The following AATK variants were observed in gnomAD, a reference collection of about 807,000 sequenced individuals.
AATK encodes the protein lemur tail kinase 1.
AATK carries 91 observed loss-of-function variants against 114.3 expected under a neutral mutation model. The ratio of observed to expected loss-of-function variants is 0.80; its 90% CI spans 0.67 to 0.95. The LOEUF is 0.95. Among genes scored for constraint, AATK ranks in the 40% least tolerant of loss-of-function variants. AATK has a pLI of 0.00. For synonymous variants in AATK, 1,075 were observed against 916.5 expected (o/e 1.17, Z -3.12); for missense variants, 2,176 against 1,965.2 (o/e 1.11, Z -2.03).
intron 1 of AATK, among the ~76,000 whole-genome samples, chr17:81,140,903 G>A (rs1401376691): frequency 1.7e-5 from 2 of 116,308 alleles, no homozygotes; most frequent in African/African-American, 3.4e-5. Context: ...GCTGTGAGCC[G>A]TGGGGCCGTG....
chr17:81,154,319 CTTTTTTTTT>C (rs202002919), intron 1 of AATK, among the ~76,000 whole-genome samples: 4 of 113,806 alleles, frequency 3.5e-5, no homozygotes, highest in Non-Finnish European at 6.9e-5. Flanking sequence ...TTTTTTCTTT[CTTTTTTTTT>C]TTTTTTTTTT....
chr17:81,131,849 T>C, intron 2 of AATK: 2 of 1,303,116 alleles, frequency 1.5e-6, no homozygotes, highest in Non-Finnish European at 2.0e-6. Flanking sequence ...GGAGCATTCC[T>C]GGATGTCTGG....
intron 7 of AATK, chr17:81,125,255 T>C (rs768133357): frequency 1.4e-6 from 1 of 734,492 alleles, no homozygotes; most frequent in South Asian, 1.5e-5. Flanking sequence ...ACTGTGTGCG[T>C]GGGCCTCAAA....
rs140176504 is a variant in AATK, at chr17:81,128,226, T to C, written c.414+244A>G. ...TTAGGCCAAGGTCAGGGGAAGGCCA[T>C]GAGCAAGAGGCTGCTCCTCTCCCTC... On this transcript the variant is annotated intron_variant, in intron 4 of 13. Coordinates refer to ENST00000326724, the MANE Select transcript of AATK (RefSeq NM_001080395.3). Among the ~76,000 whole-genome samples, 758 of 152,224 alleles carry C rather than the reference T, an allele frequency of 5.0e-3. 8 individuals carry two copies. Among genetic ancestry groups the C allele is most frequent in the South Asian group, 0.013 (62 of 4,828 alleles).
At chr17:81,123,445 C>T in intron 9 of AATK, 102 bp from the exon 10 acceptor site, 2 of 1,117,720 alleles carry the variant, frequency 1.8e-6, no homozygotes, top group Non-Finnish European at 1.1e-6. Flanking sequence ...CGCCATCACG[C>T]CAGTGCCTCA....
chr17:81,120,892 C>A lies in AATK; in HGVS notation c.3044G>T (p.Cys1015Phe). 3 of 1,589,098 alleles carry A rather than the reference C, an allele frequency of 1.9e-6. No individual in the cohort carries two copies. Among genetic ancestry groups the A allele is most frequent in the Non-Finnish European group, 2.6e-6 (3 of 1,168,338 alleles). ...TGGCCCGGGGGCTCGGTCCCCGCCG[C>A]ACTTCTTCTCTGGGCCTGAGGTGGC... is the stretch of plus-strand genomic sequence containing the variant. ...AEATSGPEKK[C>F]GGDRAPGPEL... The change falls in exon 11 of 14, where the codon TGC (cysteine) becomes TTC (phenylalanine). Residue 1015 changes from cysteine (C) to phenylalanine (F), a missense_variant. Cys to Phe is a radical substitution (Grantham distance 205). Coordinates refer to ENST00000326724, the MANE Select transcript of AATK (RefSeq NM_001080395.3).
chr17:81,129,800 C>G (rs2060901994), intron 3 of AATK, among the ~76,000 whole-genome samples: 1 of 152,172 alleles, frequency 6.6e-6, no homozygotes, highest in African/African-American at 2.4e-5. Context: ...GCTCAGGGAC[C>G]CCCACAGCCA....
Position 81,121,351 on chromosome 17 carries a change from T to A in AATK, c.2585A>T (p.Asp862Val). The A allele has an allele frequency of 6.2e-7, 1 of 1,612,072 alleles. No homozygotes were observed. Among genetic ancestry groups the A allele is most frequent in the Non-Finnish European group, 8.5e-7 (1 of 1,179,674 alleles). Residue 862 changes from aspartate to valine, a missense_variant, in exon 11 of 14, where the codon GAC becomes GTC. This residue lies in a region of AATK where 1,701 missense variants were observed against 1,394.7 expected (regional missense o/e 1.22). Coordinates refer to ENST00000326724, the MANE Select transcript of AATK (RefSeq NM_001080395.3). ...GATGCCTGAGGTGGCCTCGGCCGTGTCCTCATCCTCACTGCTGGGTGCCTC... is the reference window on the plus strand; with the variant it reads ...GATGCCTGAGGTGGCCTCGGCCGTGACCTCATCCTCACTGCTGGGTGCCTC... ...EVEAPSSEDE[D>V]TAEATSGIFT...
intron 1 of AATK, among the ~76,000 whole-genome samples, chr17:81,142,824 C>A (rs2061158197): frequency 6.6e-6 from 1 of 151,990 alleles, no homozygotes; most frequent in African/African-American, 2.4e-5. Flanking sequence ...CCAAAGTCCA[C>A]TTGACTTGTA....
Position 81,122,330 on chromosome 17 carries a change from C to T in AATK, c.1606G>A (p.Glu536Lys), listed in dbSNP as rs772683166. The T allele has an allele frequency of 9.9e-6, 15 of 1,513,270 alleles. No individual in the cohort carries two copies. Among genetic ancestry groups the T allele is most frequent in the South Asian group, 4.8e-5 (4 of 82,498 alleles). 93.7% of individuals were successfully genotyped at this position (1,513,270 alleles called of 1,614,324 possible). Residue 536 changes from glutamate (E) to lysine (K), a missense_variant, in exon 11 of 14, where the codon GAG becomes AAG. Glu to Lys is a moderately conservative substitution (Grantham distance 56). This residue lies in a region of AATK where 1,701 missense variants were observed against 1,394.7 expected (regional missense o/e 1.22). Transcript: ENST00000326724. ...TCGTGGCCGGCGGCGGGTGCGGCCT[C>T]CTCTAGGCGGATGAAGTACTCGCTG... ...LGSEYFIRLEEAAPAAGHDPD... is the reference protein window; with the variant it reads ...LGSEYFIRLEKAAPAAGHDPD...
At position 81,121,997 on chromosome 17, in the gene AATK, G is replaced by A. The variant is rs2060705719; in HGVS notation, c.1939C>T (p.Pro647Ser). ...AFFEDPLGTS[P>S]LGSSGAPPLP... is the part of the protein sequence containing the mutation. ...GGGGGCGCCCCTGAGCTCCCCAAAGGGGACGTGCCCAGTGGGTCCTCGAAG... is the reference window on the plus strand; with the variant it reads ...GGGGGCGCCCCTGAGCTCCCCAAAGAGGACGTGCCCAGTGGGTCCTCGAAG... The change falls in exon 11 of 14, where the codon CCT (proline) becomes TCT (serine). Residue 647 changes from proline (P) to serine (S), a missense_variant. Coordinates refer to ENST00000326724, the MANE Select transcript of AATK (RefSeq NM_001080395.3). 1.9e-6 allele frequency: 3 copies of A among 1,601,852 alleles called. No individual in the cohort carries two copies. The highest frequency in any genetic ancestry group is 2.5e-6 in the Non-Finnish European group (3 of 1,179,148).
In AATK at chr17:81,123,203, G is replaced by T; in HGVS notation, c.1103C>A (p.Ser368Ter). The T allele has an allele frequency of 1.4e-6, 2 of 1,425,302 alleles. No individual in the cohort carries two copies. Among genetic ancestry groups the T allele is most frequent in the Non-Finnish European group, 9.2e-7 (1 of 1,092,244 alleles). The allele number at this position is 1,425,302 out of a possible 1,614,324, so 88.3% of individuals were successfully genotyped here. Residue 368 changes from serine to a stop codon, truncating the protein, a stop_gained, in exon 10 of 14, where the codon TCG becomes TAG. Transcript: ENST00000326724. LOFTEE classifies it high-confidence loss of function. ...LPKPQLQLTL[S>*]DRWYEVMQFC... Reference sequence around the variant, plus strand: ...GCAGTGGGGCCCTCACCAGCGGTCCGACAGGGTCAGCTGCAGCTGGGGCTT... The same window carrying T: ...GCAGTGGGGCCCTCACCAGCGGTCCTACAGGGTCAGCTGCAGCTGGGGCTT...
intron 1 of AATK, among the ~76,000 whole-genome samples, chr17:81,164,789 C>T (rs1598238412): frequency 6.6e-6 from 1 of 152,174 alleles, no homozygotes; most frequent in African/African-American, 2.4e-5. Context: ...TGAGCCTTCA[C>T]CTGCCCACCC....
At chr17:81,162,549 C>T (rs1567831236) in intron 1 of AATK, among the ~76,000 whole-genome samples, 1 of 152,188 alleles carries the variant, frequency 6.6e-6, no homozygotes, top group Admixed American at 6.5e-5. Flanking sequence ...CCTGCTCAGC[C>T]CCTTGAGCCC....
rs773521968 is a variant in AATK at position 81,119,499 on chromosome 17, G to A, written c.3965C>T (p.Pro1322Leu). Residue 1322 changes from proline (P) to leucine (L), a missense_variant, in exon 13 of 14, where the codon CCC becomes CTC. Physicochemically the swap from Pro to Leu is moderately conservative, Grantham distance 98. This residue lies in a region of AATK where 1,701 missense variants were observed against 1,394.7 expected (regional missense o/e 1.22). Coordinates refer to ENST00000326724, the MANE Select transcript of AATK (RefSeq NM_001080395.3). ...AFAMALDPAA[P>L]APAAPTPTPA... ...CGTGGGCGTGGGCGCAGCCGGGGCG[G>A]GTGCGGCCGGGTCTAGGGCCATGGC... 2.6e-6 allele frequency: 4 copies of A among 1,523,262 alleles called. No individual in the cohort carries two copies. The East Asian group carries it at 1.0e-4, about 38-fold the overall frequency. The allele number at this position is 1,523,262 out of a possible 1,614,324, so 94.4% of individuals were successfully genotyped here.
At chr17:81,138,119 C>T (rs553257424) in intron 1 of AATK, among the ~76,000 whole-genome samples, 2 of 149,702 alleles carry the variant, frequency 1.3e-5, no homozygotes, top group South Asian at 2.1e-4. Flanking sequence ...TGCACACAGA[C>T]ATACCCCACA....
At position 81,119,584 on chromosome 17, in the gene AATK, C is replaced by T; in HGVS notation, c.3884-4G>A. On this transcript the variant is annotated splice_region_variant and splice_polypyrimidine_tract_variant and intron_variant, in intron 12 of 13. Coordinates refer to ENST00000326724, the MANE Select transcript of AATK (RefSeq NM_001080395.3). ...TCGTCCCACGCGAACCCACCACCTG[C>T]AGCCCAGGTCGCGGCGTCACTCGCG... 4 of 1,557,870 alleles carry T rather than the reference C, an allele frequency of 2.6e-6. No homozygotes were observed. Among genetic ancestry groups the T allele is most frequent in the South Asian group, 2.3e-5 (2 of 85,136 alleles).
chr17:81,122,508 A>T lies in AATK; in HGVS notation c.1428T>A (p.Asn476Lys). 1 of 1,474,898 alleles carries T rather than the reference A, an allele frequency of 6.8e-7. No individual in the cohort carries two copies. The highest frequency in any genetic ancestry group is 9.0e-7 in the Non-Finnish European group (1 of 1,108,480). 91.4% of individuals were successfully genotyped at this position (1,474,898 alleles called of 1,614,324 possible). Reference sequence around the variant, plus strand: ...GGCCCGCCTCCCACTTGTACTCAAAATTGAGGCCTCGGCTGGTCTCGGTCA... The same window carrying T: ...GGCCCGCCTCCCACTTGTACTCAAATTTGAGGCCTCGGCTGGTCTCGGTCA... ...LTVTETSRGL[N>K]FEYKWEAGRG... Residue 476 changes from asparagine (N) to lysine (K), a missense_variant, in exon 11 of 14, where the codon AAT becomes AAA. Transcript: ENST00000326724.
chr17:81,119,152 CAGGTGAGGGT>C (rs2060632083), intron 13 of AATK, among the ~76,000 whole-genome samples: 815 of 12,346 alleles, frequency 0.066, 1 homozygote, highest in Non-Finnish European at 0.12. Flanking sequence ...AGGTGAGGGT[CAGGTGAGGGT>C]CAGGTGAGGG....
Sources: gnomAD v4.1 joint callset for allele counts (sites outside exome capture counted in the v4.1 genomes callset) on GRCh38, gnomAD v4.1.1 for gene constraint, gnomAD v4.1.1 regional missense constraint, MANE v1.5 for transcripts, NCBI Gene and HGNC (gene_info 2026-07-23, HGNC 2026-07-21) for gene names.